CHST9: variants seen among roughly 807,000 people sequenced by gnomAD.
The protein encoded by CHST9 is carbohydrate sulfotransferase 9.
Under a neutral mutation model 44.4 loss-of-function variants are expected in CHST9, and 41 were observed. That is an observed-to-expected ratio of 0.92 (90% CI 0.72 to 1.20). CHST9 has a LOEUF of 1.20. Ranked by LOEUF, CHST9 falls within the 50% of genes most tolerant of loss-of-function variation. The pLI, the probability that CHST9 is intolerant of heterozygous loss-of-function variation, is 0.00. For missense variants in CHST9, 504 were observed against 516.5 expected (o/e 0.98, Z 0.23); for synonymous variants, 171 against 178.4 (o/e 0.96, Z 0.33).
At chr18:27,048,392 A>G in intron 3 of CHST9, 73 bp downstream of exon 3, 1 of 1,198,326 alleles carries the variant, frequency 8.3e-7, no homozygotes, top group Non-Finnish European at 1.2e-6. Flanking sequence ...TTTTTGAATA[A>G]TAAATTTTAA....
At chr18:27,094,114 T>C (rs1026650818) in intron 2 of CHST9, among the ~76,000 whole-genome samples, 7 of 152,334 alleles carry the variant, frequency 4.6e-5, no homozygotes, top group African/African-American at 1.7e-4. Flanking sequence ...CTTTTATTTG[T>C]GTCTTTTATA....
rs369783081 is a variant in CHST9 at position 26,912,567 on chromosome 18, A to C, written c.*3692T>G. The C allele has an allele frequency of 1.4e-4, 22 of 152,312 alleles. No individual in the cohort carries two copies. Among genetic ancestry groups the C allele is most frequent in the African/African-American group, 4.8e-4 (20 of 41,564 alleles). The allele number at this position is 152,312 out of a possible 1,614,324, so 9.4% of individuals were successfully genotyped here. A position where few individuals can be genotyped will look rare whatever the true frequency, so the allele number is the denominator to read the frequency against. On this transcript the variant is annotated 3_prime_UTR_variant, in exon 6 of 6. Coordinates refer to ENST00000618847, the MANE Select transcript of CHST9 (RefSeq NM_031422.6). ...GTAGTGGTATTTGCTGCTTGGCTTC[A>C]TCCTGGCTTCTGACCTACTTATCAT... is the stretch of plus-strand genomic sequence containing the variant.
intron 5 of CHST9, among the ~76,000 whole-genome samples, chr18:26,931,515 A>G (rs1406874469): frequency 6.6e-6 from 1 of 152,246 alleles, no homozygotes; most frequent in Non-Finnish European, 1.5e-5. Context: ...ATTAATTCAC[A>G]GACCTGTGGG....
At chr18:26,925,642 G>A (rs2055752565) in intron 5 of CHST9, among the ~76,000 whole-genome samples, 2 of 152,106 alleles carry the variant, frequency 1.3e-5, no homozygotes, top group South Asian at 4.1e-4. Context: ...TTCTTCTATC[G>A]TTTTCTCTCT....
chr18:27,095,755 CA>C (rs1464139623), intron 2 of CHST9, among the ~76,000 whole-genome samples: 1 of 152,026 alleles, frequency 6.6e-6, no homozygotes, highest in East Asian at 1.9e-4. Flanking sequence ...AAAATATACA[CA>C]CCTAAAATTG....
chr18:26,917,835 A>G (rs527706848), intron 5 of CHST9, among the ~76,000 whole-genome samples: 5 of 152,184 alleles, frequency 3.3e-5, no homozygotes, highest in African/African-American at 1.2e-4. Flanking sequence ...ATAAATCTCG[A>G]TGACCACTTC....
At position 27,169,598 on chromosome 18, in the gene CHST9, CTTTTTTTTTTTTTTT is replaced by C. The variant is rs1156859087; in HGVS notation, c.-97+15523_-97+15537del. Among the ~76,000 whole-genome samples the C allele has an allele frequency of 4.9e-5, 4 of 82,162 alleles. No homozygotes were observed. In the Admixed American group the frequency reaches 5.1e-4, roughly 11 times the overall value. 53.9% of individuals were successfully genotyped at this position (82,162 alleles called of 152,430 possible). ...CAAAATGTATAAAACATATATTCTT[CTTTTTTTTTTTTTTT>C]TTTTTTTTTTGAGACAGAGTCTCAC... On this transcript the variant is annotated intron_variant, in intron 1 of 5. Coordinates refer to ENST00000618847, the MANE Select transcript of CHST9 (RefSeq NM_031422.6).
chr18:26,995,969 GTCAGCAATAAGAAA>G (rs1450793246), intron 4 of CHST9, among the ~76,000 whole-genome samples: 2 of 152,334 alleles, frequency 1.3e-5, no homozygotes, highest in African/African-American at 4.8e-5. Flanking sequence ...AATTAATAGT[GTCAGCAATAAGAAA>G]TTATATAGTT....
chr18:27,036,032 GA>G (rs1429715732), intron 3 of CHST9, among the ~76,000 whole-genome samples: 15 of 151,648 alleles, frequency 9.9e-5, no homozygotes, highest in African/African-American at 3.4e-4. Flanking sequence ...AATGAATTTG[GA>G]AAAAAATAAA....
intron 4 of CHST9, among the ~76,000 whole-genome samples, chr18:26,990,469 C>A (rs763764684): frequency 6.6e-6 from 1 of 152,128 alleles, no homozygotes; most frequent in Non-Finnish European, 1.5e-5. Flanking sequence ...GTATGTTATG[C>A]TCCAAAAACT....
chr18:27,077,583 G>A (rs2057917655), intron 2 of CHST9, among the ~76,000 whole-genome samples: 1 of 152,108 alleles, frequency 6.6e-6, no homozygotes, highest in Non-Finnish European at 1.5e-5. Flanking sequence ...CTTTCTGGAT[G>A]TGTTTTTGCA....
intron 4 of CHST9, among the ~76,000 whole-genome samples, chr18:26,968,014 C>A (rs1455367825): frequency 6.6e-6 from 1 of 152,242 alleles, no homozygotes; most frequent in African/African-American, 2.4e-5. Context: ...AGGCCTTCGG[C>A]CGCAGACTGA....
At chr18:27,182,906 A>C (rs923664616) in intron 1 of CHST9, among the ~76,000 whole-genome samples, 1 of 152,222 alleles carries the variant, frequency 6.6e-6, no homozygotes, top group Non-Finnish European at 1.5e-5. Flanking sequence ...AATTTGTAAG[A>C]GTAAGTTAGT....
intron 2 of CHST9, among the ~76,000 whole-genome samples, chr18:27,062,447 T>C (rs903042240): frequency 6.6e-6 from 1 of 152,174 alleles, no homozygotes; most frequent in African/African-American, 2.4e-5. Flanking sequence ...TTGCTGAGAA[T>C]GATGGTTTCC....
chr18:27,143,099 G>T, intron 1 of CHST9, 194 bp from the exon 2 acceptor site: 1 of 197,856 alleles, frequency 5.1e-6, no homozygotes, highest in South Asian at 1.4e-4. Context: ...TCTAAGGAAT[G>T]TATTATCCTA....
chr18:26,938,822 T>C (rs888786803), intron 5 of CHST9, among the ~76,000 whole-genome samples: 2 of 152,218 alleles, frequency 1.3e-5, no homozygotes, highest in Non-Finnish European at 2.9e-5. Flanking sequence ...AGTCTTGGCT[T>C]GTTCCTTCTG....
chr18:27,140,978 T>C (rs907405091), intron 2 of CHST9, among the ~76,000 whole-genome samples: 2 of 152,234 alleles, frequency 1.3e-5, no homozygotes, highest in Non-Finnish European at 2.9e-5. Flanking sequence ...TCAAAAGTGT[T>C]GTCCAGGGGC....
intron 5 of CHST9, among the ~76,000 whole-genome samples, chr18:26,919,251 A>G (rs1172750684): frequency 6.6e-6 from 1 of 152,162 alleles, no homozygotes; most frequent in African/African-American, 2.4e-5. Context: ...GGCCACTCCA[A>G]ATCTTCCATA....
intron 4 of CHST9, among the ~76,000 whole-genome samples, chr18:27,017,382 T>A (rs939149591): frequency 5.3e-5 from 8 of 152,186 alleles, no homozygotes; most frequent in Non-Finnish European, 7.3e-5. Flanking sequence ...AGATAATGGA[T>A]AAGTAATTTG....
Sources: gnomAD v4.1 joint callset for allele counts (sites outside exome capture counted in the v4.1 genomes callset) on GRCh38, gnomAD v4.1.1 for gene constraint, MANE v1.5 for transcripts, NCBI Gene and HGNC (gene_info 2026-07-23, HGNC 2026-07-21) for gene names.